The following PARD3B variants were observed in gnomAD, a reference collection of about 807,000 sequenced individuals.
PARD3B encodes par-3 family cell polarity regulator beta.
In PARD3B, 103 loss-of-function variants were observed where a neutral mutation model predicts 130.2. The ratio of observed to expected loss-of-function variants is 0.79; its 90% confidence interval spans 0.67 to 0.93. The LOEUF is 0.93. PARD3B is among the 40% of genes least tolerant of loss of function. PARD3B has a pLI of 0.00. For missense variants in PARD3B, 1,609 were observed against 1,499.2 expected (o/e 1.07, Z -1.21); for synonymous variants, 583 against 553.2 (o/e 1.05, Z -0.76).
At chr2:205,251,889 G>T (rs2039865857) in intron 16 of PARD3B, among the ~76,000 whole-genome samples, 3 of 152,048 alleles carry the variant, frequency 2.0e-5, no homozygotes, top group Admixed American at 1.3e-4. Flanking sequence ...CATTTGTTTT[G>T]TTGGATAAAT....
At chr2:204,566,974 G>C (rs1031937756) in intron 1 of PARD3B, among the ~76,000 whole-genome samples, 1 of 151,876 alleles carries the variant, frequency 6.6e-6, no homozygotes, top group Non-Finnish European at 1.5e-5. Flanking sequence ...CGCCTCCCAG[G>C]TTCAAGTGAC....
chr2:205,099,761 A>G lies in PARD3B; in HGVS notation c.505-4665A>G, dbSNP rs1276855663. 9.9e-5 allele frequency among the ~76,000 whole-genome samples: 15 copies of G among 152,278 alleles called. No homozygotes were observed. The East Asian group carries it at 2.9e-3, about 29-fold the overall frequency. Reference sequence around the variant, plus strand: ...CCCCATCTTCAGAGAATATCAAAGAATTTTGTTAGTGCAATATATGGAAAT... The same window carrying G: ...CCCCATCTTCAGAGAATATCAAAGAGTTTTGTTAGTGCAATATATGGAAAT... On this transcript the variant is annotated intron_variant, in intron 4 of 22. Coordinates refer to ENST00000406610, the MANE Select transcript of PARD3B (RefSeq NM_001302769.2).
rs879289012 is a variant in PARD3B, at chr2:204,689,789, C to A, written c.222+3507C>A. Among the ~76,000 whole-genome samples the A allele has an allele frequency of 1.3e-5, 2 of 152,178 alleles. No homozygotes were observed. Among genetic ancestry groups the A allele is most frequent in the Non-Finnish European group, 2.9e-5 (2 of 68,040 alleles). On this transcript the variant is annotated intron_variant, in intron 2 of 22. Transcript: ENST00000406610. The surrounding 1 kb of genome is among the most constrained non-coding windows in gnomAD (Gnocchi z 5.2). Reference sequence around the variant, plus strand: ...AGGTAGTAAATGGCACAATCAGACTCTGGAACCTAGAATTTAAATTTCTGT... The same window carrying A: ...AGGTAGTAAATGGCACAATCAGACTATGGAACCTAGAATTTAAATTTCTGT...
chr2:204,916,354 C>G (rs921116870), intron 2 of PARD3B, among the ~76,000 whole-genome samples: 1 of 152,000 alleles, frequency 6.6e-6, no homozygotes, highest in Non-Finnish European at 1.5e-5. Flanking sequence ...ATTTAATTAC[C>G]TATTAAATTC....
At chr2:204,951,569 C>T (rs1393378700) in intron 2 of PARD3B, among the ~76,000 whole-genome samples, 1 of 152,154 alleles carries the variant, frequency 6.6e-6, no homozygotes, top group African/African-American at 2.4e-5. Context: ...ATAATTAGAA[C>T]ATTACTTTTT....
intron 2 of PARD3B, among the ~76,000 whole-genome samples, chr2:204,749,611 CA>C (rs970255592): frequency 1.7e-4 from 26 of 151,632 alleles, no homozygotes; most frequent in African/African-American, 6.3e-4. Flanking sequence ...TTGTTGACAA[CA>C]AAAAAAAGAT....
rs1316482866 is a variant in PARD3B, at chr2:205,615,461, G to A, written c.3266G>A (p.Gly1089Glu). The A allele has an allele frequency of 1.3e-6, 2 of 1,591,464 alleles. No homozygotes were observed. The highest frequency in any genetic ancestry group is 1.7e-5 in the Admixed American group (1 of 57,208). ...GTCTCTTCTTCTCTTTCCAGGGGAG[G>A]ACCCGCAGATCCTGTAGACTATCTG... The part of the protein sequence containing the change: ...ERQYASLPRG[G>E]PADPVDYLPA... Residue 1089 changes from glycine (G) to glutamate (E), a missense_variant, in exon 23 of 23, where the codon GGA (glycine) becomes GAA (glutamate). Physicochemically the swap from Gly to Glu is moderately conservative, Grantham distance 98 (BLOSUM62 -2). Transcript: ENST00000406610.
At chr2:205,524,559 GCTGTGT>G (rs1174638768) in intron 21 of PARD3B, among the ~76,000 whole-genome samples, 1 of 152,144 alleles carries the variant, frequency 6.6e-6, no homozygotes, top group Non-Finnish European at 1.5e-5. Context: ...ATTGCCTGTG[GCTGTGT>G]CTGCCCTTCA....
At chr2:205,472,378 A>T (rs2048865573) in intron 20 of PARD3B, among the ~76,000 whole-genome samples, 2 of 137,176 alleles carry the variant, frequency 1.5e-5, no homozygotes, top group African/African-American at 7.3e-5. Flanking sequence ...TTTTTCAATA[A>T]TTAGTAAAAA....
intron 15 of PARD3B, among the ~76,000 whole-genome samples, chr2:205,222,624 G>T (rs970820710): frequency 6.6e-6 from 1 of 152,184 alleles, no homozygotes; most frequent in African/African-American, 2.4e-5. Flanking sequence ...TTTTCCATCA[G>T]TTAATAGTGA....
At chr2:204,659,795 C>T (rs2035743501) in intron 1 of PARD3B, among the ~76,000 whole-genome samples, 1 of 152,134 alleles carries the variant, frequency 6.6e-6, no homozygotes, top group Admixed American at 6.6e-5. Context: ...TATTTAACAG[C>T]AGCATTGAAA....
intron 2 of PARD3B, among the ~76,000 whole-genome samples, chr2:204,792,146 A>G (rs969169155): frequency 1.2e-4 from 18 of 152,204 alleles, no homozygotes; most frequent in African/African-American, 4.3e-4. Flanking sequence ...TCTAATTTAG[A>G]AAGATTTTAC....
At chr2:205,132,973 G>A (rs1215779874) in intron 10 of PARD3B, among the ~76,000 whole-genome samples, 2 of 152,056 alleles carry the variant, frequency 1.3e-5, no homozygotes, top group Non-Finnish European at 2.9e-5. Context: ...ATAGAAGGCT[G>A]GGAAACGTAT....
chr2:205,508,469 G>A (rs896509506), intron 21 of PARD3B, among the ~76,000 whole-genome samples: 2 of 151,896 alleles, frequency 1.3e-5, no homozygotes, highest in Non-Finnish European at 2.9e-5. Flanking sequence ...CTACATGAGA[G>A]GCTGAGACAG....
At chr2:205,083,539 G>C (rs1218479283) in intron 4 of PARD3B, among the ~76,000 whole-genome samples, 1 of 150,902 alleles carries the variant, frequency 6.6e-6, no homozygotes, top group Admixed American at 6.6e-5. Flanking sequence ...TATTATTTGT[G>C]CCTCTTCTCT....
chr2:205,493,931 T>C (rs924323785), intron 20 of PARD3B, among the ~76,000 whole-genome samples: 10 of 151,890 alleles, frequency 6.6e-5, no homozygotes, highest in Admixed American at 4.6e-4. Flanking sequence ...TAATTTTTTT[T>C]TGTATTTTTA....
At chr2:205,588,986 C>T (rs927239419) in intron 22 of PARD3B, among the ~76,000 whole-genome samples, 1 of 152,304 alleles carries the variant, frequency 6.6e-6, no homozygotes, top group East Asian at 1.9e-4. Context: ...GAATAGTCTG[C>T]CATTCAAATA....
At chr2:204,841,726 A>G (rs2044265850) in intron 2 of PARD3B, among the ~76,000 whole-genome samples, 1 of 152,112 alleles carries the variant, frequency 6.6e-6, no homozygotes, top group South Asian at 2.1e-4. Flanking sequence ...CCTCTTCTAC[A>G]GGGAAGATGG....
At chr2:205,388,204 T>C (rs1347363971) in intron 18 of PARD3B, among the ~76,000 whole-genome samples, 1 of 152,184 alleles carries the variant, frequency 6.6e-6, no homozygotes, top group Non-Finnish European at 1.5e-5. Flanking sequence ...ACACAACAAT[T>C]CCTAGCACCG....
Sources: gnomAD v4.1 joint callset for allele counts (sites outside exome capture counted in the v4.1 genomes callset) on GRCh38, gnomAD v4.1.1 for gene constraint, Gnocchi (gnomAD v3.1) non-coding constraint, MANE v1.5 for transcripts, NCBI Gene and HGNC (gene_info 2026-07-23, HGNC 2026-07-21) for gene names.